The following NELL2 variants were observed in gnomAD, a reference collection of about 807,000 sequenced individuals.
NELL2 encodes the protein neural EGFL like 2, also known as protein kinase C-binding protein NELL2.
Under a neutral mutation model 109.6 loss-of-function variants are expected in NELL2, and 41 were observed. The observed-to-expected ratio is 0.37, with a 90% CI of 0.29 to 0.49. The LOEUF is 0.49. Among genes scored for constraint, NELL2 ranks in the 20% least tolerant of loss-of-function variants. NELL2 has a pLI of 0.98. For synonymous variants in NELL2, 355 were observed against 344.7 expected, an observed-to-expected ratio of 1.03 and a Z score of -0.33; for missense variants, 900 against 1,008.3, an observed-to-expected ratio of 0.89 and a Z score of 1.45.
intron 15 of NELL2, among the ~76,000 whole-genome samples, chr12:44,587,305 ATATT>A (rs1316325444): frequency 2.5e-5 from 3 of 118,122 alleles, no homozygotes; most frequent in African/African-American, 1.1e-4. Context: ...ATATATATAT[ATATT>A]TTTTTTTAAA....
chr12:44,683,567 A>G (rs1294257307), intron 12 of NELL2, among the ~76,000 whole-genome samples: 2 of 151,970 alleles, frequency 1.3e-5, no homozygotes, highest in Non-Finnish European at 2.9e-5. Context: ...TGTCATAGAT[A>G]GCTCTTATTA....
upstream of NELL2, chr12:44,876,810 A>G: frequency 7.4e-7 from 1 of 1,345,846 alleles, no homozygotes. Context: ...CCACCAAAAC[A>G]CGCTGCACTG....
intron 15 of NELL2, among the ~76,000 whole-genome samples, chr12:44,602,303 T>C (rs1400256865): frequency 1.3e-5 from 2 of 152,082 alleles, no homozygotes; most frequent in Non-Finnish European, 2.9e-5. Flanking sequence ...TCCATGAGTA[T>C]GTGCCCACTC....
At chr12:44,855,397 T>TA (rs1944654399) in intron 2 of NELL2, among the ~76,000 whole-genome samples, 1 of 152,230 alleles carries the variant, frequency 6.6e-6, no homozygotes, top group South Asian at 2.1e-4. Context: ...ATTATTGCTC[T>TA]AGAATAACAC....
intron 13 of NELL2, among the ~76,000 whole-genome samples, chr12:44,642,296 A>G (rs1401494468): frequency 6.6e-6 from 1 of 152,202 alleles, no homozygotes; most frequent in African/African-American, 2.4e-5. Flanking sequence ...AAATATCAAC[A>G]GCCAAAATAG....
chr12:44,565,435 G>T (rs1213084816), intron 15 of NELL2, among the ~76,000 whole-genome samples: 1 of 152,174 alleles, frequency 6.6e-6, no homozygotes, highest in Non-Finnish European at 1.5e-5. Flanking sequence ...ATGGAGGATG[G>T]TCTACAGACT....
intron 12 of NELL2, among the ~76,000 whole-genome samples, chr12:44,694,516 TACAA>T (rs1948994865): frequency 2.5e-5 from 2 of 80,416 alleles, no homozygotes; most frequent in African/African-American, 8.6e-5. Context: ...ACAACACACA[TACAA>T]ACACACACAC....
intron 2 of NELL2, among the ~76,000 whole-genome samples, chr12:44,835,694 T>C (rs17095127): frequency 0.13 from 19,499 of 152,260 alleles, 1,557 homozygotes; most frequent in East Asian, 0.23. Context: ...TACTGGATCA[T>C]GCTGTGACTG....
intron 11 of NELL2, among the ~76,000 whole-genome samples, chr12:44,705,560 C>G (rs768255151): frequency 3.3e-5 from 5 of 152,092 alleles, no homozygotes; most frequent in Non-Finnish European, 5.9e-5. Context: ...CTTTAAATAG[C>G]TAAATTCAGA....
chr12:44,798,386 T>C (rs1942707717), intron 3 of NELL2, among the ~76,000 whole-genome samples: 1 of 152,030 alleles, frequency 6.6e-6, no homozygotes, highest in African/African-American at 2.4e-5. Context: ...AATATCAATG[T>C]GCAAGATTCA....
chr12:44,649,788 C>T (rs2136314513), intron 13 of NELL2, among the ~76,000 whole-genome samples: 1 of 152,280 alleles, frequency 6.6e-6, no homozygotes, highest in African/African-American at 2.4e-5. Flanking sequence ...TCCCCATTTG[C>T]TAACAGGACA....
chr12:44,528,377 G>C (rs948007555), intron 16 of NELL2, among the ~76,000 whole-genome samples: 2 of 151,890 alleles, frequency 1.3e-5, no homozygotes, highest in East Asian at 1.9e-4. Flanking sequence ...AATTATCCTT[G>C]TTACTTTCTG....
chr12:44,679,336 G>T (rs558929216), intron 12 of NELL2, among the ~76,000 whole-genome samples: 1 of 152,268 alleles, frequency 6.6e-6, no homozygotes, highest in South Asian at 2.1e-4. Context: ...AAAGGCTTCA[G>T]AGAATGGTGA....
chr12:44,546,493 T>C (rs1942800169), intron 15 of NELL2, among the ~76,000 whole-genome samples: 1 of 152,088 alleles, frequency 6.6e-6, no homozygotes, highest in South Asian at 2.1e-4. Context: ...AAGGGAAAAA[T>C]ATACCAACTG....
chr12:44,882,617 T>C (rs536653934), intron 1 of NELL2, among the ~76,000 whole-genome samples: 1 of 151,730 alleles, frequency 6.6e-6, no homozygotes, highest in South Asian at 2.1e-4. Flanking sequence ...AACATCCACC[T>C]CCCGAGTTCG....
chr12:44,517,614 T>C (rs1393533209), intron 19 of NELL2, among the ~76,000 whole-genome samples: 3 of 152,192 alleles, frequency 2.0e-5, no homozygotes, highest in Non-Finnish European at 4.4e-5. Flanking sequence ...TAGCCACATG[T>C]GGCTATTGTG....
At chr12:44,602,000 T>C (rs990166515) in intron 15 of NELL2, among the ~76,000 whole-genome samples, 1 of 152,108 alleles carries the variant, frequency 6.6e-6, no homozygotes, top group Admixed American at 6.5e-5. Context: ...TAAAACAGAT[T>C]AAGGATCACC....
At chr12:44,898,832 C>T (rs1945625351) in intron 1 of NELL2, among the ~76,000 whole-genome samples, 1 of 152,070 alleles carries the variant, frequency 6.6e-6, no homozygotes, top group African/African-American at 2.4e-5. Flanking sequence ...TATGATCTAA[C>T]CCAATGCAAG....
chr12:44,685,324 G>C (rs984168428), intron 12 of NELL2, among the ~76,000 whole-genome samples: 3 of 151,754 alleles, frequency 2.0e-5, no homozygotes, highest in Admixed American at 6.6e-5. Context: ...ACGTGAGATG[G>C]GTTTCCTGAA....
Sources: allele counts gnomAD v4.1 joint callset (sites outside exome capture counted in the v4.1 genomes callset), GRCh38; gene constraint gnomAD v4.1.1; transcripts MANE v1.5; gene names NCBI Gene and HGNC (gene_info 2026-07-23, HGNC 2026-07-21).